SEMA3E: variants seen among roughly 807,000 people sequenced by gnomAD.
SEMA3E encodes semaphorin-3E.
A neutral mutation model predicts 93.6 loss-of-function variants in SEMA3E; 49 were observed. The observed-to-expected ratio is 0.52, with a 90% CI of 0.42 to 0.66. The LOEUF (loss-of-function observed/expected upper bound fraction) is 0.66. SEMA3E is among the 30% of genes least tolerant of loss of function. The pLI, the probability that SEMA3E is intolerant of heterozygous loss-of-function variation, is 0.00. For missense variants in SEMA3E, 906 were observed against 964.8 expected, an observed-to-expected ratio of 0.94 and a Z score of 0.81; for synonymous variants, 363 against 330.7, an observed-to-expected ratio of 1.10 and a Z score of -1.06.
chr7:83,628,638 C>A (rs1180348646), intron 1 of SEMA3E, among the ~76,000 whole-genome samples: 1 of 151,732 alleles, frequency 6.6e-6, no homozygotes, highest in Admixed American at 6.6e-5. Context: ...TCCATCAGAT[C>A]ATTTATGTTC....
chr7:83,647,134 A>G (rs1411643382), intron 1 of SEMA3E, among the ~76,000 whole-genome samples: 1 of 152,134 alleles, frequency 6.6e-6, no homozygotes, highest in Admixed American at 6.5e-5. Flanking sequence ...TTACCAATTT[A>G]GTATCAATGG....
At chr7:83,616,723 CTTTCTT>C in intron 1 of SEMA3E, 2 of 447,602 alleles carry the variant, frequency 4.5e-6, no homozygotes, top group Admixed American at 2.4e-5. Context: ...CTTCTTCTTT[CTTTCTT>C]TTTTTTTTTT....
intron 1 of SEMA3E, among the ~76,000 whole-genome samples, chr7:83,565,743 T>C (rs917045852): frequency 2.0e-5 from 3 of 152,090 alleles, no homozygotes; most frequent in African/African-American, 7.2e-5. Flanking sequence ...AACTACATTG[T>C]CCAGAAAAAA....
chr7:83,564,199 A>G (rs1436991311), intron 1 of SEMA3E, among the ~76,000 whole-genome samples: 4 of 152,234 alleles, frequency 2.6e-5, no homozygotes, highest in Admixed American at 2.6e-4. Context: ...AATATTAAGC[A>G]TAATTTGCAG....
At chr7:83,567,077 A>G (rs960033480) in intron 1 of SEMA3E, among the ~76,000 whole-genome samples, 1 of 152,200 alleles carries the variant, frequency 6.6e-6, no homozygotes, top group African/African-American at 2.4e-5. Context: ...CAGAAATTCC[A>G]TACAAACAGA....
chr7:83,575,612 C>T (rs1792383800), intron 1 of SEMA3E, among the ~76,000 whole-genome samples: 1 of 152,080 alleles, frequency 6.6e-6, no homozygotes, highest in Non-Finnish European at 1.5e-5. Context: ...AGCCCCGGGC[C>T]TCATAATTAT....
intron 14 of SEMA3E, among the ~76,000 whole-genome samples, 159 bp from the exon 15 acceptor site, chr7:83,387,209 T>A (rs561408471): frequency 6.6e-6 from 1 of 152,338 alleles, no homozygotes; most frequent in African/African-American, 2.4e-5. Context: ...GTTTTTCATA[T>A]TTCCATTATA....
chr7:83,469,339 A>G (rs367601595), intron 2 of SEMA3E, 37 bp from the exon 3 acceptor site: 4 of 1,410,640 alleles, frequency 2.8e-6, no homozygotes, highest in Admixed American at 1.7e-5. Context: ...TGACAACTGC[A>G]TATAAAAATA....
chr7:83,465,539 A>G (rs1789737409), intron 4 of SEMA3E, among the ~76,000 whole-genome samples: 1 of 152,346 alleles, frequency 6.6e-6, no homozygotes, highest in African/African-American at 2.4e-5. Context: ...ATAATATTTT[A>G]GTGGTGAAAT....
intron 1 of SEMA3E, among the ~76,000 whole-genome samples, chr7:83,531,338 A>ATTTTT (rs1363628918): frequency 7.5e-5 from 3 of 40,118 alleles, no homozygotes; most frequent in Non-Finnish European, 2.0e-4. Flanking sequence ...TGATTGGAAT[A>ATTTTT]TTCTTTTTTT....
chr7:83,408,493 C>G lies in SEMA3E; in HGVS notation c.551-6G>C. The G allele has an allele frequency of 6.2e-7, 1 of 1,613,454 alleles. No homozygotes were observed. Among genetic ancestry groups the G allele is most frequent in the South Asian group, 1.1e-5 (1 of 91,060 alleles). ...TCCAGCAAACAATTCACTACCTACA[C>G]GGGAGCATCAGTAAAAAAGAAGTCA... On this transcript the variant is annotated splice_region_variant and splice_polypyrimidine_tract_variant and intron_variant, in intron 5 of 16. Coordinates refer to ENST00000643230, the MANE Select transcript of SEMA3E (RefSeq NM_012431.3).
intron 1 of SEMA3E, among the ~76,000 whole-genome samples, chr7:83,516,348 A>C (rs1406419785): frequency 6.6e-6 from 1 of 152,206 alleles, no homozygotes; most frequent in African/African-American, 2.4e-5. Flanking sequence ...TAATTTGACA[A>C]AGGTACAAAG....
intron 11 of SEMA3E, 74 bp from the exon 12 acceptor site, chr7:83,396,803 G>T: frequency 1.0e-6 from 1 of 979,296 alleles, no homozygotes; most frequent in Non-Finnish European, 1.6e-6. Context: ...CATGTAGCTG[G>T]CTGGGTGCAG....
intron 12 of SEMA3E, 55 bp downstream of exon 12, chr7:83,396,583 A>G (rs565782240): frequency 7.6e-6 from 8 of 1,053,158 alleles, no homozygotes; most frequent in African/African-American, 1.6e-5. Context: ...TCCTATTTAC[A>G]TCTCACTTGT....
At chr7:83,565,769 T>C (rs1792136000) in intron 1 of SEMA3E, among the ~76,000 whole-genome samples, 1 of 152,102 alleles carries the variant, frequency 6.6e-6, no homozygotes, top group Non-Finnish European at 1.5e-5. Context: ...ATACGTGTTT[T>C]TTCCAGTTTC....
At chr7:83,404,679 T>C (rs1016282796) in intron 9 of SEMA3E, among the ~76,000 whole-genome samples, 6 of 152,008 alleles carry the variant, frequency 3.9e-5, no homozygotes, top group Middle Eastern at 3.4e-3. Context: ...GGGAAAACAA[T>C]AGATTATACA....
intron 1 of SEMA3E, among the ~76,000 whole-genome samples, chr7:83,510,864 C>A (rs952437631): frequency 6.6e-6 from 1 of 152,086 alleles, no homozygotes; most frequent in African/African-American, 2.4e-5. Context: ...AATGAGATAA[C>A]CCTCGTGGTG....
chr7:83,454,282 T>C (rs1200368443), intron 4 of SEMA3E, among the ~76,000 whole-genome samples: 38 of 117,538 alleles, frequency 3.2e-4, no homozygotes, highest in African/African-American at 1.1e-3. Context: ...AATATATATA[T>C]ATATATATAT....
chr7:83,372,149 C>T (rs10243199), intron 16 of SEMA3E: 73,423 of 395,772 alleles, frequency 0.19, 9,679 homozygotes, highest in African/African-American at 0.49. Context: ...TCCATACAGA[C>T]ATATCCAAAA....
Sources: gnomAD v4.1 joint callset for allele counts (sites outside exome capture counted in the v4.1 genomes callset) on GRCh38, gnomAD v4.1.1 for gene constraint, MANE v1.5 for transcripts, NCBI Gene and HGNC (gene_info 2026-07-23, HGNC 2026-07-21) for gene names.